The following STXBP4 variants were observed in gnomAD, a reference collection of about 807,000 sequenced individuals.
STXBP4 encodes syntaxin binding protein 4.
A neutral mutation model predicts 76.1 loss-of-function variants in STXBP4; 55 were observed. The ratio of observed to expected loss-of-function variants is 0.72; its 90% CI spans 0.58 to 0.91. The LOEUF is 0.91. Ranked by LOEUF, STXBP4 falls within the 40% of genes least tolerant of loss-of-function variation. The pLI is 0.00. For missense variants in STXBP4, 618 were observed against 636.9 expected, an observed-to-expected ratio of 0.97 and a Z score of 0.32; for synonymous variants, 201 against 220.2, an observed-to-expected ratio of 0.91 and a Z score of 0.77.
intron 12 of STXBP4, among the ~76,000 whole-genome samples, chr17:55,050,817 A>C (rs2078849922): frequency 6.6e-6 from 1 of 151,926 alleles, no homozygotes; most frequent in South Asian, 2.1e-4. Flanking sequence ...ACAGGTGTGC[A>C]CCACCATGCC....
At chr17:55,098,195 C>G (rs113739098) in intron 16 of STXBP4, among the ~76,000 whole-genome samples, 1 of 152,074 alleles carries the variant, frequency 6.6e-6, no homozygotes, top group African/African-American at 2.4e-5. Flanking sequence ...TCTGAGAACA[C>G]GTGAGAAACC....
chr17:55,182,526 A>T, the STXBP4 span, among the ~76,000 whole-genome samples: 1 of 152,156 alleles, frequency 6.6e-6, no homozygotes, highest in Admixed American at 6.5e-5. Context: ...GAGGGAAATA[A>T]TGGGTTAGAA....
In STXBP4 at chr17:55,168,796, A is replaced by T. The variant is rs1200806784; in HGVS notation, c.*8885A>T. 6.6e-6 allele frequency: 1 copy of T among 152,180 alleles called. No individual in the cohort carries two copies. The highest frequency in any genetic ancestry group is 1.5e-5 in the Non-Finnish European group (1 of 68,024). 9.4% of individuals were successfully genotyped at this position (152,180 alleles called of 1,614,324 possible). On this transcript the variant is annotated 3_prime_UTR_variant, in exon 18 of 18. Coordinates refer to ENST00000376352, the MANE Select transcript of STXBP4 (RefSeq NM_178509.6). Reference sequence around the variant, plus strand: ...ATTTCTTAAAGGAATATTCTACTGCAGTCTCTGAGATTTTTTTCCCTGTCT... The same window carrying T: ...ATTTCTTAAAGGAATATTCTACTGCTGTCTCTGAGATTTTTTTCCCTGTCT...
intron 16 of STXBP4, among the ~76,000 whole-genome samples, chr17:55,084,884 A>G (rs963864838): frequency 1.3e-5 from 2 of 152,194 alleles, no homozygotes; most frequent in Admixed American, 1.3e-4. Context: ...ACTATAAATC[A>G]TGCTGCTATA....
the STXBP4 span, among the ~76,000 whole-genome samples, chr17:55,210,490 C>A: frequency 6.6e-6 from 1 of 152,214 alleles, no homozygotes; most frequent in East Asian, 1.9e-4. Flanking sequence ...ATCTGAGAGG[C>A]CTGTATTACT....
At chr17:54,992,336 G>C (rs909825398) in intron 4 of STXBP4, among the ~76,000 whole-genome samples, 5 of 151,186 alleles carry the variant, frequency 3.3e-5, no homozygotes, top group African/African-American at 1.2e-4. Flanking sequence ...AGTATTGCTT[G>C]AGCCCCGAAG....
intron 11 of STXBP4, 41 bp from the exon 12 acceptor site, chr17:55,047,048 C>T (rs1555572619): frequency 5.5e-6 from 7 of 1,262,088 alleles, no homozygotes; most frequent in East Asian, 2.3e-5. Context: ...CTTGTTAATA[C>T]TTTCATAACA....
rs529495936 is a variant in STXBP4, at chr17:55,017,724, C to T, written c.666+10127C>T. On this transcript the variant is annotated intron_variant, in intron 8 of 17. Coordinates refer to ENST00000376352, the MANE Select transcript of STXBP4 (RefSeq NM_178509.6). ...GGGACGACAGCTTTCTTACTCTAGT[C>T]GGCCCTTGGCTTCCCCAAGAAAATT... Among the ~76,000 whole-genome samples, 3 of 152,140 alleles carry T rather than the reference C, an allele frequency of 2.0e-5. No individual in the cohort carries two copies. The East Asian group carries it at 5.8e-4, about 30-fold the overall frequency.
chr17:55,065,752 G>C (rs567046581), intron 12 of STXBP4, among the ~76,000 whole-genome samples: 4 of 152,020 alleles, frequency 2.6e-5, no homozygotes, highest in African/African-American at 7.3e-5. Context: ...TTATCAATTA[G>C]ATGTATTTTT....
At chr17:55,016,454 G>A (rs576137219) in intron 8 of STXBP4, among the ~76,000 whole-genome samples, 16 of 152,300 alleles carry the variant, frequency 1.1e-4, no homozygotes, top group Admixed American at 9.8e-4. Flanking sequence ...ATTCGTTTCA[G>A]AGAGGGTGTA....
intron 12 of STXBP4, among the ~76,000 whole-genome samples, chr17:55,052,725 A>G (rs757516753): frequency 6.6e-6 from 1 of 152,006 alleles, no homozygotes; most frequent in Non-Finnish European, 1.5e-5. Context: ...CTAAATGTTG[A>G]TATCACCAAT....
the STXBP4 span, among the ~76,000 whole-genome samples, chr17:55,187,224 AAGG>A: frequency 6.6e-6 from 1 of 152,188 alleles, no homozygotes; most frequent in South Asian, 2.1e-4. Context: ...CAAGATGCAA[AAGG>A]AGAGCAGAGA....
chr17:55,086,545 C>T (rs1368874821), intron 16 of STXBP4, among the ~76,000 whole-genome samples: 1 of 152,140 alleles, frequency 6.6e-6, no homozygotes, highest in African/African-American at 2.4e-5. Flanking sequence ...TCCCTATCCC[C>T]CTGTTCTCCG....
chr17:55,189,345 G>A, the STXBP4 span, among the ~76,000 whole-genome samples: 1 of 152,164 alleles, frequency 6.6e-6, no homozygotes, highest in African/African-American at 2.4e-5. Flanking sequence ...TGTGTGACTT[G>A]AACAAGCCCT....
intron 13 of STXBP4, among the ~76,000 whole-genome samples, chr17:55,073,378 T>A (rs1215071792): frequency 6.6e-6 from 1 of 152,192 alleles, no homozygotes; most frequent in Non-Finnish European, 1.5e-5. Flanking sequence ...TTGGTTTTTT[T>A]CTTTTGTTTC....
At chr17:55,075,464 C>T (rs901036255) in intron 13 of STXBP4, among the ~76,000 whole-genome samples, 2 of 152,064 alleles carry the variant, frequency 1.3e-5, no homozygotes, top group African/African-American at 4.8e-5. Flanking sequence ...TTTCTGTTCT[C>T]TTCTGTTATA....
At chr17:55,114,855 C>T (rs1037999559) in intron 16 of STXBP4, among the ~76,000 whole-genome samples, 3 of 151,902 alleles carry the variant, frequency 2.0e-5, no homozygotes, top group African/African-American at 7.2e-5. Flanking sequence ...TCACAGTTCT[C>T]ATATCTCCCA....
intron 12 of STXBP4, among the ~76,000 whole-genome samples, chr17:55,056,121 A>G (rs1195053524): frequency 6.6e-6 from 1 of 152,256 alleles, no homozygotes; most frequent in African/African-American, 2.4e-5. Flanking sequence ...AATGAAAGCC[A>G]CAATATATTG....
chr17:54,980,309 T>TA (rs35273109), intron 1 of STXBP4, among the ~76,000 whole-genome samples: 47 of 151,062 alleles, frequency 3.1e-4, no homozygotes, highest in East Asian at 1.4e-3. Flanking sequence ...AAATTAACAA[T>TA]AAAAAAAAAT....
Sources: gnomAD v4.1 joint callset for allele counts (sites outside exome capture counted in the v4.1 genomes callset) on GRCh38, gnomAD v4.1.1 for gene constraint, MANE v1.5 for transcripts, NCBI Gene and HGNC (gene_info 2026-07-23, HGNC 2026-07-21) for gene names.